Variants in KCNG3 observed in about 807,000 individuals in gnomAD.
The protein encoded by KCNG3 is voltage-gated potassium channel regulatory subunit KCNG3.
In KCNG3, 15 loss-of-function variants were observed where a neutral mutation model predicts 29.0. The observed-to-expected ratio is 0.52, with a 90% CI of 0.35 to 0.80. KCNG3 has a LOEUF of 0.80. Among genes scored for constraint, KCNG3 ranks in the 30% least tolerant of loss-of-function variants. The probability of loss-of-function intolerance (pLI) is 0.01; values close to 1 mark genes in which losing one functional copy is unlikely to be tolerated. For synonymous variants in KCNG3, 322 were observed against 248.9 expected (o/e 1.29, Z -2.76); for missense variants, 512 against 605.7 (o/e 0.85, Z 1.62).
At chr2:42,437,837 C>T (rs1344374901), downstream of KCNG3, among the ~76,000 whole-genome samples, 1 of 149,158 alleles carries the variant, frequency 6.7e-6, no homozygotes, top group Non-Finnish European at 1.5e-5. Flanking sequence ...ACTTGGGAGG[C>T]TGAGGCCGGA....
the KCNG3 span, among the ~76,000 whole-genome samples, chr2:42,392,051 A>G: frequency 6.6e-6 from 1 of 152,192 alleles, no homozygotes; most frequent in African/African-American, 2.4e-5. Context: ...TATTCATAAC[A>G]ATTAGAGCAT....
Position 42,444,587 on chromosome 2 carries a change from G to A in KCNG3, c.666-8C>T. 1 of 1,587,436 alleles carries A rather than the reference G, an allele frequency of 6.3e-7. No homozygotes were observed. Among genetic ancestry groups the A allele is most frequent in the South Asian group, 1.1e-5 (1 of 87,336 alleles). ...CAGATAGCTTCAATTATCCTGTCAAGAGAACAAAAGAAGAATTGATCATTT... is the reference window on the plus strand; with the variant it reads ...CAGATAGCTTCAATTATCCTGTCAAAAGAACAAAAGAAGAATTGATCATTT... On this transcript the variant is annotated splice_region_variant and splice_polypyrimidine_tract_variant and intron_variant, in intron 1 of 1. Transcript: ENST00000306078. This position sits in a 1 kb window ranked among gnomAD's most constrained non-coding sequence, Gnocchi z 5.8.
chr2:42,388,415 C>CA, the KCNG3 span: 5 of 152,300 alleles, frequency 3.3e-5, no homozygotes, highest in South Asian at 2.1e-4. Flanking sequence ...CAGAAAATAA[C>CA]AGAGAGCAAA....
At chr2:42,452,243 A>ATTTT (rs771771721) in intron 1 of KCNG3, among the ~76,000 whole-genome samples, 69 of 95,006 alleles carry the variant, frequency 7.3e-4, no homozygotes, top group East Asian at 1.8e-3. Flanking sequence ...ATATATATAT[A>ATTTT]TTTTTTTTTT....
At chr2:42,453,948 T>C (rs1410503614) in intron 1 of KCNG3, among the ~76,000 whole-genome samples, 2 of 152,124 alleles carry the variant, frequency 1.3e-5, no homozygotes, top group African/African-American at 4.8e-5. Context: ...CCAGCACCAT[T>C]TATTGAAGAG....
At chr2:42,452,243 A>ATATATATATATATATTT in intron 1 of KCNG3, among the ~76,000 whole-genome samples, 401 of 94,948 alleles carry the variant, frequency 4.2e-3, no homozygotes, top group East Asian at 0.02. Flanking sequence ...ATATATATAT[A>ATATATATATATATATTT]TTTTTTTTTT....
intron 1 of KCNG3, chr2:42,463,819 G>T: frequency 4.3e-6 from 1 of 232,166 alleles, no homozygotes; most frequent in South Asian, 5.2e-5. Context: ...ATCTGTACTT[G>T]GTTCGCAGGC....
At chr2:42,417,891 G>C in the KCNG3 span, among the ~76,000 whole-genome samples, 1 of 151,972 alleles carries the variant, frequency 6.6e-6, no homozygotes, top group African/African-American at 2.4e-5. Flanking sequence ...AGAATTGCTT[G>C]AATCCAGGAG....
In KCNG3 at chr2:42,444,704, C is replaced by A; in HGVS notation, c.666-125G>T. The A allele has an allele frequency of 1.2e-6, 1 of 839,226 alleles. No homozygotes were observed. The highest frequency in any genetic ancestry group is 1.8e-6 in the Non-Finnish European group (1 of 544,822). The allele number at this position is 839,226 out of a possible 1,614,324, so 52.0% of individuals were successfully genotyped here. On this transcript the variant is annotated intron_variant, in intron 1 of 1. Transcript: ENST00000306078. The surrounding 1 kb of genome is among the most constrained non-coding windows in gnomAD (Gnocchi z 5.8). ...TTACTTTTCCAGAAAACATAAAGAA[C>A]AGACAACATTAGCAACATCATCAGA... is the stretch of plus-strand genomic sequence containing the variant.
the KCNG3 span, among the ~76,000 whole-genome samples, chr2:42,397,971 C>T: frequency 6.6e-6 from 1 of 152,096 alleles, no homozygotes; most frequent in Non-Finnish European, 1.5e-5. Context: ...CGCCTGTAAT[C>T]CCAGCATTTT....
chr2:42,420,503 C>T, the KCNG3 span, among the ~76,000 whole-genome samples: 1 of 152,040 alleles, frequency 6.6e-6, no homozygotes, highest in African/African-American at 2.4e-5. Context: ...CAGATTCCAA[C>T]AGGGGGCCGG....
chr2:42,490,999 A>C (rs567194821), intron 1 of KCNG3, among the ~76,000 whole-genome samples: 5 of 152,328 alleles, frequency 3.3e-5, no homozygotes, highest in African/African-American at 1.2e-4. Flanking sequence ...ACCTACACTC[A>C]GACAGTGAAG....
chr2:42,452,595 G>A (rs1672788079), intron 1 of KCNG3, among the ~76,000 whole-genome samples: 1 of 151,452 alleles, frequency 6.6e-6, no homozygotes, highest in South Asian at 2.1e-4. Context: ...TTAATTTTTA[G>A]CTCCCACAAA....
chr2:42,436,611 C>T, the KCNG3 span, among the ~76,000 whole-genome samples: 4 of 152,210 alleles, frequency 2.6e-5, no homozygotes, highest in Non-Finnish European at 5.9e-5. Flanking sequence ...ATGCTTAACA[C>T]TCACTTGTGT....
the KCNG3 span, among the ~76,000 whole-genome samples, chr2:42,432,301 T>C: frequency 6.6e-6 from 1 of 152,194 alleles, no homozygotes; most frequent in Non-Finnish European, 1.5e-5. Context: ...TAATTAACCA[T>C]CAAGTCCTGT....
At chr2:42,408,737 G>A in the KCNG3 span, among the ~76,000 whole-genome samples, 16 of 152,204 alleles carry the variant, frequency 1.1e-4, no homozygotes, top group South Asian at 4.1e-4. Context: ...ACAAGAACTC[G>A]GGACCATGGA....
rs1052777418 is a variant in KCNG3, at chr2:42,470,127, G to C, written c.665+22710C>G. On this transcript the variant is annotated intron_variant, in intron 1 of 1. Coordinates refer to ENST00000306078, the MANE Select transcript of KCNG3 (RefSeq NM_133329.6). ...GTTCAAAAGCATCTTGAGAGGAATA[G>C]AAAGGATAAGGATGCTAAATTCTGT... 7 of 443,854 alleles carry C rather than the reference G, an allele frequency of 1.6e-5. No individual in the cohort carries two copies. In the East Asian group the frequency reaches 2.8e-4, roughly 18 times the overall value. The allele number at this position is 443,854 out of a possible 1,614,324, so 27.5% of individuals were successfully genotyped here.
At chr2:42,398,394 T>C in the KCNG3 span, among the ~76,000 whole-genome samples, 3 of 152,132 alleles carry the variant, frequency 2.0e-5, no homozygotes, top group Admixed American at 1.3e-4. Context: ...ATCCAGTCTC[T>C]TCCTCTGGCC....
chr2:42,435,217 C>T, the KCNG3 span, among the ~76,000 whole-genome samples: 1 of 151,908 alleles, frequency 6.6e-6, no homozygotes, highest in Admixed American at 6.6e-5. Flanking sequence ...GCAGGAGAAT[C>T]GCTTGAACCA....
Sources: gnomAD v4.1 joint callset for allele counts (sites outside exome capture counted in the v4.1 genomes callset) on GRCh38, gnomAD v4.1.1 for gene constraint, Gnocchi (gnomAD v3.1) non-coding constraint, MANE v1.5 for transcripts, NCBI Gene and HGNC (gene_info 2026-07-23, HGNC 2026-07-21) for gene names.